PDE3B: variants seen among roughly 807,000 people sequenced by gnomAD.
The protein encoded by PDE3B is cGMP-inhibited 3',5'-cyclic phosphodiesterase 3B.
Under a neutral mutation model 116.8 loss-of-function variants are expected in PDE3B, and 66 were observed. The ratio of observed to expected loss-of-function variants is 0.56; its 90% CI spans 0.46 to 0.69. The LOEUF (loss-of-function observed/expected upper bound fraction) is 0.69. Ranked by LOEUF, PDE3B falls within the 30% of genes least tolerant of loss-of-function variation. PDE3B has a pLI of 0.00. For synonymous variants in PDE3B, 595 were observed against 533.6 expected (o/e 1.12, Z -1.59); for missense variants, 1,384 against 1,368.1 (o/e 1.01, Z -0.18).
chr11:14,698,129 G>A (rs554295091), intron 1 of PDE3B, among the ~76,000 whole-genome samples: 45 of 151,876 alleles, frequency 3.0e-4, no homozygotes, highest in Non-Finnish European at 5.9e-5. Flanking sequence ...TTAGTGGTAG[G>A]TTTGTGTGTA....
chr11:14,687,509 T>C (rs554739616), intron 1 of PDE3B, among the ~76,000 whole-genome samples: 7 of 152,166 alleles, frequency 4.6e-5, no homozygotes, highest in South Asian at 2.1e-4. Flanking sequence ...TTATTTAATA[T>C]TAAGCATTAA....
downstream of PDE3B, among the ~76,000 whole-genome samples, chr11:14,873,819 T>C (rs2134001818): frequency 6.6e-6 from 1 of 152,296 alleles, no homozygotes; most frequent in East Asian, 1.9e-4. Flanking sequence ...ATGAGCCCTT[T>C]TTGCTTGCTA....
chr11:14,741,822 G>A (rs1856782570), intron 1 of PDE3B, among the ~76,000 whole-genome samples: 1 of 152,130 alleles, frequency 6.6e-6, no homozygotes. Flanking sequence ...TGTCTGTAAA[G>A]GATTTTATTT....
At chr11:14,647,926 G>C (rs1336846662) in intron 1 of PDE3B, among the ~76,000 whole-genome samples, 2 of 136,460 alleles carry the variant, frequency 1.5e-5, no homozygotes, top group Non-Finnish European at 3.2e-5. Flanking sequence ...CTTAACTAAG[G>C]TTTTTTTTTT....
chr11:14,675,025 A>G (rs547509195), intron 1 of PDE3B, among the ~76,000 whole-genome samples: 17 of 152,310 alleles, frequency 1.1e-4, no homozygotes, highest in African/African-American at 3.8e-4. Flanking sequence ...CGGATGTATA[A>G]TATTTCTATT....
At position 14,783,827 on chromosome 11, in the gene PDE3B, A is replaced by G. The variant is rs185161356; in HGVS notation, c.1030-2610A>G. Among the ~76,000 whole-genome samples, 321 of 152,284 alleles carry G rather than the reference A, an allele frequency of 2.1e-3. 2 individuals carry two copies. The highest frequency in any genetic ancestry group is 6.9e-3 in the African/African-American group (285 of 41,572). ...AGGAAAACAAAAGAATCTGTCAGTAAGAGATTTACCTTGCAAGAAAGACAA... is the reference window on the plus strand; with the variant it reads ...AGGAAAACAAAAGAATCTGTCAGTAGGAGATTTACCTTGCAAGAAAGACAA... On this transcript the variant is annotated intron_variant, in intron 2 of 15. Coordinates refer to ENST00000282096, the MANE Select transcript of PDE3B (RefSeq NM_000922.4).
chr11:14,759,567 T>G (rs1377719292), intron 1 of PDE3B, among the ~76,000 whole-genome samples: 1 of 151,098 alleles, frequency 6.6e-6, no homozygotes, highest in Non-Finnish European at 1.5e-5. Flanking sequence ...TTTTTTTTTT[T>G]GAGACAGAGT....
intron 12 of PDE3B, among the ~76,000 whole-genome samples, chr11:14,845,170 T>C: frequency 6.6e-6 from 1 of 151,978 alleles, no homozygotes; most frequent in South Asian, 2.1e-4. Flanking sequence ...ACAGCAGCGT[T>C]CACGGTTCAC....
intron 1 of PDE3B, among the ~76,000 whole-genome samples, chr11:14,770,673 C>T (rs1857614024): frequency 6.6e-6 from 1 of 151,470 alleles, no homozygotes; most frequent in African/African-American, 2.4e-5. Context: ...GCAGTTATAT[C>T]AGAGCCATTT....
chr11:14,780,739 T>C (rs1379339762), intron 2 of PDE3B, among the ~76,000 whole-genome samples: 1 of 151,946 alleles, frequency 6.6e-6, no homozygotes, highest in Non-Finnish European at 1.5e-5. Flanking sequence ...GACACCCTAA[T>C]ATCACAATTA....
intron 1 of PDE3B, among the ~76,000 whole-genome samples, chr11:14,755,290 G>A (rs12362671): frequency 5.9e-5 from 9 of 152,118 alleles, no homozygotes; most frequent in Non-Finnish European, 7.3e-5. Flanking sequence ...AGTTCTAGCA[G>A]CAGTTTTCAA....
chr11:14,667,703 G>T (rs1301904224), intron 1 of PDE3B, among the ~76,000 whole-genome samples: 4 of 150,466 alleles, frequency 2.7e-5, no homozygotes, highest in African/African-American at 9.7e-5. Flanking sequence ...TTGGGGGAGG[G>T]TGGAGGGATA....
At chr11:14,712,430 A>T (rs1412469718) in intron 1 of PDE3B, among the ~76,000 whole-genome samples, 1 of 134,130 alleles carries the variant, frequency 7.5e-6, no homozygotes, top group Non-Finnish European at 1.6e-5. Flanking sequence ...TTTTACCTGG[A>T]GTTTGGAAAA....
intron 1 of PDE3B, among the ~76,000 whole-genome samples, chr11:14,672,649 T>G (rs1306529229): frequency 6.6e-6 from 1 of 152,172 alleles, no homozygotes; most frequent in African/African-American, 2.4e-5. Flanking sequence ...GGCTCCTTCC[T>G]TTATGTTGCT....
Position 14,750,027 on chromosome 11 carries a change from G to C in PDE3B, c.979-21910G>C, listed in dbSNP as rs190996081. 2.0e-3 allele frequency among the ~76,000 whole-genome samples: 297 copies of C among 150,706 alleles called. 1 individual carries two copies. Among genetic ancestry groups the C allele is most frequent in the African/African-American group, 6.7e-3 (273 of 40,932 alleles). On this transcript the variant is annotated intron_variant, in intron 1 of 15. Coordinates refer to ENST00000282096, the MANE Select transcript of PDE3B (RefSeq NM_000922.4). ...AGCTGGTCAGCTTGAGACCCAAGAA[G>C]AGAGGATGTTTCAGTCCAGTTCTAA...
intron 1 of PDE3B, among the ~76,000 whole-genome samples, chr11:14,726,854 G>T (rs1322528628): frequency 6.6e-6 from 1 of 152,156 alleles, no homozygotes; most frequent in African/African-American, 2.4e-5. Flanking sequence ...GAGTGAAGTA[G>T]ACTCCTTTGA....
At chr11:14,777,416 T>C (rs556237735) in intron 2 of PDE3B, among the ~76,000 whole-genome samples, 1 of 152,288 alleles carries the variant, frequency 6.6e-6, no homozygotes, top group South Asian at 2.1e-4. Context: ...CCCCAAATAG[T>C]ATCAACCCCC....
At chr11:14,757,137 A>AT (rs778960597) in intron 1 of PDE3B, among the ~76,000 whole-genome samples, 114 of 151,824 alleles carry the variant, frequency 7.5e-4, no homozygotes, top group Non-Finnish European at 1.4e-3. Context: ...CGAACTCATC[A>AT]TTTTTTATGG....
chr11:14,652,249 T>G (rs1474499093), intron 1 of PDE3B, among the ~76,000 whole-genome samples: 1 of 152,208 alleles, frequency 6.6e-6, no homozygotes, highest in Non-Finnish European at 1.5e-5. Context: ...TTAATAACCT[T>G]TCAACAAAGT....
Sources: gnomAD v4.1 joint callset for allele counts (sites outside exome capture counted in the v4.1 genomes callset) on GRCh38, gnomAD v4.1.1 for gene constraint, MANE v1.5 for transcripts, NCBI Gene and HGNC (gene_info 2026-07-23, HGNC 2026-07-21) for gene names.